The following STAG1 variants were observed in gnomAD, a reference collection of about 807,000 sequenced individuals.
STAG1 encodes STAG1 cohesin complex component.
Under a neutral mutation model 170.9 loss-of-function variants are expected in STAG1, and 26 were observed. The observed-to-expected ratio is 0.15, with a 90% CI of 0.11 to 0.21. STAG1 has a LOEUF of 0.21. Among genes scored for constraint, STAG1 ranks in the 10% least tolerant of loss-of-function variants. STAG1 has a pLI of 1.00. For missense variants in STAG1, 964 were observed against 1,509.5 expected (o/e 0.64, Z 5.99); for synonymous variants, 514 against 497.7 (o/e 1.03, Z -0.44).
chr3:136,746,209 G>C (rs528895250), intron 1 of STAG1, among the ~76,000 whole-genome samples: 1 of 152,082 alleles, frequency 6.6e-6, no homozygotes, highest in African/African-American at 2.4e-5. Context: ...TACCACTCTA[G>C]CAAGAATCAT....
At chr3:136,707,510 T>A (rs968506877) in intron 1 of STAG1, among the ~76,000 whole-genome samples, 1 of 152,244 alleles carries the variant, frequency 6.6e-6, no homozygotes, top group African/African-American at 2.4e-5. Context: ...AACTTTAGAA[T>A]AGGGTATTAG....
chr3:136,572,887 A>C (rs1216487010), intron 4 of STAG1, among the ~76,000 whole-genome samples: 1 of 152,222 alleles, frequency 6.6e-6, no homozygotes, highest in African/African-American at 2.4e-5. Flanking sequence ...TTAAAGAACT[A>C]AACTCCAGGC....
intron 14 of STAG1, among the ~76,000 whole-genome samples, chr3:136,451,001 G>A (rs1023888790): frequency 1.3e-5 from 2 of 151,854 alleles, no homozygotes; most frequent in Non-Finnish European, 1.5e-5. Context: ...TGCCCACCTC[G>A]GCCTCCCAAA....
intron 16 of STAG1, among the ~76,000 whole-genome samples, chr3:136,425,013 T>C (rs1441590417): frequency 6.6e-6 from 1 of 152,086 alleles, no homozygotes; most frequent in Non-Finnish European, 1.5e-5. Flanking sequence ...CTAATTTTTG[T>C]ATTTTTAGTA....
intron 13 of STAG1, among the ~76,000 whole-genome samples, chr3:136,456,883 GCTATC>G (rs2089128090): frequency 6.6e-6 from 1 of 152,160 alleles, no homozygotes; most frequent in African/African-American, 2.4e-5. Flanking sequence ...AAAGAAAACT[GCTATC>G]CAAGAATACT....
At chr3:136,674,742 C>T (rs192732774) in intron 1 of STAG1, among the ~76,000 whole-genome samples, 7 of 152,270 alleles carry the variant, frequency 4.6e-5, no homozygotes, top group Non-Finnish European at 2.9e-5. Flanking sequence ...ACAAATTGTA[C>T]GCTTTAAATA....
At chr3:136,726,276 G>A (rs1933683464) in intron 1 of STAG1, among the ~76,000 whole-genome samples, 2 of 152,106 alleles carry the variant, frequency 1.3e-5, no homozygotes, top group Admixed American at 6.6e-5. Context: ...ATCCACTGAT[G>A]TCAGTAGCAT....
chr3:136,732,122 A>T (rs544369033), intron 1 of STAG1, among the ~76,000 whole-genome samples: 12 of 152,150 alleles, frequency 7.9e-5, no homozygotes, highest in African/African-American at 2.6e-4. Context: ...AATCAAAGAC[A>T]CACAGTTAGT....
At position 136,367,047 on chromosome 3, in the gene STAG1, C is replaced by T. The variant is rs1399143143; in HGVS notation, c.2581G>A (p.Ala861Thr). The change falls in exon 25 of 34, where the codon GCC becomes ACC. Residue 861 changes from alanine to threonine, a missense_variant. By Grantham distance (58) the Ala-to-Thr change is moderately conservative. Coordinates refer to ENST00000383202, the MANE Select transcript of STAG1 (RefSeq NM_005862.3). ...DEEDEANKIE[A>T]LHKRRNLLAA... ...AGTAGATTCCTTCTTTTATGTAAGG[C>T]CTCAATTTTATTAGCTTCATCTTCT... 2 of 1,610,322 alleles carry T rather than the reference C, an allele frequency of 1.2e-6. No homozygotes were observed. Among genetic ancestry groups the T allele is most frequent in the Non-Finnish European group, 1.7e-6 (2 of 1,177,562 alleles).
chr3:136,671,155 C>T (rs1941968032), intron 1 of STAG1, among the ~76,000 whole-genome samples: 1 of 151,908 alleles, frequency 6.6e-6, no homozygotes, highest in Non-Finnish European at 1.5e-5. Context: ...CATGGTGGCG[C>T]AGCCTGTAAT....
chr3:136,343,789 C>T (rs541836932), intron 30 of STAG1, 43 bp downstream of exon 30: 2 of 1,456,850 alleles, frequency 1.4e-6, no homozygotes, highest in Admixed American at 4.8e-5. Context: ...GTTTTACTTT[C>T]TTTAAAGGCT....
intron 21 of STAG1, among the ~76,000 whole-genome samples, chr3:136,408,001 C>T (rs1298062821): frequency 6.6e-6 from 1 of 151,878 alleles, no homozygotes; most frequent in Non-Finnish European, 1.5e-5. Flanking sequence ...CTGAGAAAGC[C>T]ACTGTTCATA....
intron 26 of STAG1, among the ~76,000 whole-genome samples, chr3:136,360,309 CTT>C (rs1204493272): frequency 2.6e-5 from 4 of 152,154 alleles, no homozygotes; most frequent in Non-Finnish European, 5.9e-5. Context: ...TAGTTTTGCT[CTT>C]GTGTTTACTG....
intron 32 of STAG1, among the ~76,000 whole-genome samples, chr3:136,338,747 C>G (rs1935814169): frequency 6.6e-6 from 1 of 152,198 alleles, no homozygotes; most frequent in Non-Finnish European, 1.5e-5. Context: ...CATATCTTCC[C>G]TTTAAAGTCA....
intron 10 of STAG1, among the ~76,000 whole-genome samples, chr3:136,476,085 T>C (rs1224756211): frequency 6.6e-6 from 1 of 152,222 alleles, no homozygotes; most frequent in Non-Finnish European, 1.5e-5. Flanking sequence ...TCCTCTGAAT[T>C]TGTAGGCCTG....
At chr3:136,435,875 G>T (rs1305968213) in intron 15 of STAG1, among the ~76,000 whole-genome samples, 2 of 151,870 alleles carry the variant, frequency 1.3e-5, no homozygotes, top group African/African-American at 4.8e-5. Flanking sequence ...TCACCATCTT[G>T]GCCATGCTGG....
chr3:136,522,185 T>C (rs1331255765), intron 6 of STAG1, among the ~76,000 whole-genome samples: 1 of 152,216 alleles, frequency 6.6e-6, no homozygotes, highest in Admixed American at 6.5e-5. Context: ...GTGTAGCTTT[T>C]TGTCCTTTCT....
chr3:136,469,369 G>A, intron 12 of STAG1, among the ~76,000 whole-genome samples: 1 of 152,104 alleles, frequency 6.6e-6, no homozygotes, highest in East Asian at 1.9e-4. Flanking sequence ...AATCACGAGT[G>A]AACTCCCATT....
Position 136,419,615 on chromosome 3 carries a change from T to TTG in STAG1, c.2108+1476_2108+1477dup, listed in dbSNP as rs1455853097. On this transcript the variant is annotated intron_variant, in intron 20 of 33. Coordinates refer to ENST00000383202, the MANE Select transcript of STAG1 (RefSeq NM_005862.3). The stretch of plus-strand genomic sequence containing the variant: ...GTGTGCCACCATGCCCGGCTAATTT[T>TTG]TGTGTGTGTTTTTTTTTTTTTTTTT... Among the ~76,000 whole-genome samples, 213 of 124,524 alleles carry TTG rather than the reference T, an allele frequency of 1.7e-3. 5 individuals carry two copies. Among genetic ancestry groups the TTG allele is most frequent in the African/African-American group, 3.7e-3 (137 of 37,424 alleles). The allele number at this position is 124,524 out of a possible 152,430, so 81.7% of individuals were successfully genotyped here. A position where few individuals can be genotyped will look rare whatever the true frequency, so the allele number is the denominator to read the frequency against.
Sources: gnomAD v4.1 joint callset for allele counts (sites outside exome capture counted in the v4.1 genomes callset) on GRCh38, gnomAD v4.1.1 for gene constraint, MANE v1.5 for transcripts, NCBI Gene and HGNC (gene_info 2026-07-23, HGNC 2026-07-21) for gene names.